ATP13A3: variants seen among roughly 807,000 people sequenced by gnomAD.
The protein encoded by ATP13A3 is ATPase 13A3.
A neutral mutation model predicts 158.1 loss-of-function variants in ATP13A3; 59 were observed. That is an observed-to-expected ratio of 0.37 (90% CI 0.30 to 0.46). The LOEUF (loss-of-function observed/expected upper bound fraction) is 0.46. Ranked by LOEUF, ATP13A3 falls within the 20% of genes least tolerant of loss-of-function variation. The pLI is 1.00. For missense variants in ATP13A3, 1,166 were observed against 1,525.2 expected (o/e 0.76, Z 3.92); for synonymous variants, 491 against 504.3 (o/e 0.97, Z 0.35).
At chr3:194,450,025 ATCC>A (rs1718694970) in intron 11 of ATP13A3, 117 bp downstream of exon 11, 7 of 1,054,296 alleles carry the variant, frequency 6.6e-6, no homozygotes, top group Non-Finnish European at 8.2e-6. Flanking sequence ...AATCTCCAAT[ATCC>A]AACATATTCA....
chr3:194,420,389 AT>A (rs1379729430), intron 30 of ATP13A3: 1 of 154,114 alleles, frequency 6.5e-6, no homozygotes, highest in African/African-American at 2.4e-5. Context: ...TTCAATGACA[AT>A]TACTATTGAC....
At position 194,454,134 on chromosome 3, in the gene ATP13A3, T is replaced by G. The variant is rs79164157; in HGVS notation, c.765+124A>C. The G allele has an allele frequency of 9.7e-3, 9,753 of 1,009,428 alleles. 72 individuals are homozygous for G. Among genetic ancestry groups the G allele is most frequent in the African/African-American group, 0.027 (1,638 of 61,334 alleles). The allele number at this position is 1,009,428 out of a possible 1,614,324, so 62.5% of individuals were successfully genotyped here. A position where few individuals can be genotyped will look rare whatever the true frequency, so the allele number is the denominator to read the frequency against. Reference sequence around the variant, plus strand: ...AAAGGGAGGGGAGAAGGAGCATATATTCATGCAACTAAAATAATGACTGCA... The same window carrying G: ...AAAGGGAGGGGAGAAGGAGCATATAGTCATGCAACTAAAATAATGACTGCA... On this transcript the variant is annotated intron_variant, in intron 9 of 33. Transcript: ENST00000645319.
chr3:194,427,226 G>A lies in ATP13A3; in HGVS notation c.2974C>T (p.Leu992Phe). 6.2e-7 allele frequency: 1 copy of A among 1,605,888 alleles called. No homozygotes were observed. Among genetic ancestry groups the A allele is most frequent in the Non-Finnish European group, 8.5e-7 (1 of 1,178,242 alleles). ...CCCGAAGGTGGTCTTTGTGCCACAA[G>A]TTCTTTCCAGGCAGGATTTAAACTC... ...TMSLNPAWKELVAQRPPSGLI... is the reference protein window; with the variant it reads ...TMSLNPAWKEFVAQRPPSGLI... The change falls in exon 29 of 34, where the codon CTT (leucine) becomes TTT (phenylalanine). Residue 992 changes from leucine to phenylalanine, a missense_variant. Coordinates refer to ENST00000645319, the MANE Select transcript of ATP13A3 (RefSeq NM_001367549.1).
At chr3:194,429,293 C>T (rs1448973793) in intron 27 of ATP13A3, among the ~76,000 whole-genome samples, 4 of 152,094 alleles carry the variant, frequency 2.6e-5, no homozygotes, top group South Asian at 2.1e-4. Context: ...AAATATTCAA[C>T]GTTGTAAATT....
chr3:194,407,239 G>A (rs1715004141), intron 33 of ATP13A3, among the ~76,000 whole-genome samples: 1 of 152,138 alleles, frequency 6.6e-6, no homozygotes, highest in African/African-American at 2.4e-5. Context: ...TTAAATTCCA[G>A]GTCATTTTGT....
intron 33 of ATP13A3, among the ~76,000 whole-genome samples, chr3:194,409,978 A>G (rs186811595): frequency 3.1e-4 from 47 of 152,038 alleles, no homozygotes; most frequent in Non-Finnish European, 1.8e-4. Context: ...AAAGCCAGTA[A>G]GTTTTTAAGT....
chr3:194,467,520 TAAAC>T (rs1029776615), intron 2 of ATP13A3, among the ~76,000 whole-genome samples: 20 of 152,258 alleles, frequency 1.3e-4, no homozygotes, highest in Admixed American at 1.3e-3. Flanking sequence ...GTGCTAAAAA[TAAAC>T]AATTCAAATA....
At chr3:194,471,414 C>T (rs2109021299) in intron 2 of ATP13A3, among the ~76,000 whole-genome samples, 1 of 151,688 alleles carries the variant, frequency 6.6e-6, no homozygotes, top group Admixed American at 6.6e-5. Flanking sequence ...AATGCAGTGG[C>T]ACAATCTTAG....
chr3:194,482,331 C>T lies in ATP13A3; in HGVS notation c.-47+3463G>A, dbSNP rs556778531. Among the ~76,000 whole-genome samples the T allele has an allele frequency of 2.0e-5, 3 of 152,238 alleles. No individual in the cohort carries two copies. In the South Asian group the frequency reaches 6.2e-4, roughly 32 times the overall value. ...TGGTCTCAAACTCCTGGCCTCAAGC[C>T]ATCCTCCTGCCTTGGCCTCCCAAAG... On this transcript the variant is annotated intron_variant, in intron 2 of 33. Transcript: ENST00000645319.
At chr3:194,461,465 C>T (rs928507113) in intron 3 of ATP13A3, among the ~76,000 whole-genome samples, 2 of 152,134 alleles carry the variant, frequency 1.3e-5, no homozygotes, top group South Asian at 2.1e-4. Context: ...AGATTTTAAT[C>T]TACTATTTCC....
intron 23 of ATP13A3, 25 bp downstream of exon 23, chr3:194,431,077 GCA>G: frequency 6.2e-7 from 1 of 1,613,296 alleles, no homozygotes; most frequent in Non-Finnish European, 8.5e-7. Context: ...ATTCATGTGA[GCA>G]CACACATACA....
At chr3:194,488,172 C>A (rs1347153020), upstream of ATP13A3, 1 of 152,404 alleles carries the variant, frequency 6.6e-6, no homozygotes, top group East Asian at 1.9e-4. The surrounding 1 kb of genome is among the most constrained non-coding windows in gnomAD (Gnocchi z 4.1). Context: ...CAATCCCTGG[C>A]CTCACCGTTT....
At position 194,428,867 on chromosome 3, in the gene ATP13A3, G is replaced by T; in HGVS notation, c.2925C>A (p.Ile975=). Residue 975 remains isoleucine (I), a synonymous_variant, in exon 28 of 34, where the codon ATC becomes ATA. Coordinates refer to ENST00000645319, the MANE Select transcript of ATP13A3 (RefSeq NM_001367549.1). ...CACTTGTAAATACCACTACCAAAAT[G>T]ATTGCCAGATCAATGAAGAGAAACT... ...DFQFLFIDLA[I]ILVVVFTMSL... is the part of the protein sequence containing the mutation. 6.3e-7 allele frequency: 1 copy of T among 1,597,812 alleles called. No individual in the cohort carries two copies.
chr3:194,446,983 T>C lies in ATP13A3; in HGVS notation c.1441A>G (p.Ile481Val), dbSNP rs770401895. 14 of 1,613,622 alleles carry C rather than the reference T, an allele frequency of 8.7e-6. No individual in the cohort carries two copies. The highest frequency in any genetic ancestry group is 8.4e-5 in the Admixed American group (5 of 59,838). Residue 481 changes from isoleucine to valine, a missense_variant, in exon 14 of 34, where the codon ATC (isoleucine) becomes GTC (valine). By Grantham distance (29) the Ile-to-Val change is conservative (BLOSUM62 3). Transcript: ENST00000645319. ...RRLKKIGIFC[I>V]SPQRINICGQ... ...CAAATATTTATTCTTTGAGGACTGATACAGAAAATACCGATTTTTTTCAGT... is the reference window on the plus strand; with the variant it reads ...CAAATATTTATTCTTTGAGGACTGACACAGAAAATACCGATTTTTTTCAGT...
chr3:194,429,768 G>A lies in ATP13A3; in HGVS notation c.2784C>T (p.Gly928=). ...AGAAGGAAGTTATTAAAGCAGCACG[G>A]CCTTCCCTGTGAAAAGAAATCAAAT... ...ISCVPNLIRE[G]RAALITSFCV... Residue 928 remains glycine, a synonymous_variant, in exon 27 of 34, where the codon GGC becomes GGT. Coordinates refer to ENST00000645319, the MANE Select transcript of ATP13A3 (RefSeq NM_001367549.1). 1 of 1,613,328 alleles carries A rather than the reference G, an allele frequency of 6.2e-7. No individual in the cohort carries two copies. Among genetic ancestry groups the A allele is most frequent in the Non-Finnish European group, 8.5e-7 (1 of 1,179,562 alleles).
At chr3:194,454,162 G>A (rs1719027775) in intron 9 of ATP13A3, 96 bp downstream of exon 9, 1 of 1,209,164 alleles carries the variant, frequency 8.3e-7, no homozygotes, top group African/African-American at 1.5e-5. Flanking sequence ...TGACTGCATT[G>A]AGAATTTACT....
chr3:194,433,215 A>G (rs1016424069), intron 21 of ATP13A3, among the ~76,000 whole-genome samples: 1 of 150,820 alleles, frequency 6.6e-6, no homozygotes, highest in African/African-American at 2.4e-5. Flanking sequence ...AAATTTTTAC[A>G]GTGTACTTTT....
intron 28 of ATP13A3, among the ~76,000 whole-genome samples, 174 bp downstream of exon 28, chr3:194,428,671 A>G (rs1209110674): frequency 2.0e-5 from 3 of 152,216 alleles, no homozygotes; most frequent in Non-Finnish European, 4.4e-5. Flanking sequence ...TAGAGACAGA[A>G]CAATTAAAAA....
chr3:194,403,006 A>G lies in ATP13A3; in HGVS notation c.*2913T>C, dbSNP rs1007076592. On this transcript the variant is annotated 3_prime_UTR_variant, in exon 34 of 34. Transcript: ENST00000645319. ...CAAAAATTAACACCCCATTTTGTTA[A>G]AAGTTCCCAACCACCTCCCACCATA... The G allele has an allele frequency of 1.3e-5, 2 of 152,232 alleles. No homozygotes were observed. The highest frequency in any genetic ancestry group is 2.9e-5 in the Non-Finnish European group (2 of 68,032). The allele number at this position is 152,232 out of a possible 1,614,324, so 9.4% of individuals were successfully genotyped here. A position where few individuals can be genotyped will look rare whatever the true frequency, so the allele number is the denominator to read the frequency against.
Sources: gnomAD v4.1 joint callset for allele counts (sites outside exome capture counted in the v4.1 genomes callset) on GRCh38, gnomAD v4.1.1 for gene constraint, Gnocchi (gnomAD v3.1) non-coding constraint, MANE v1.5 for transcripts, NCBI Gene and HGNC (gene_info 2026-07-23, HGNC 2026-07-21) for gene names.